The following IL1RAPL1 variants were observed in gnomAD, a reference collection of about 807,000 sequenced individuals.
The protein encoded by IL1RAPL1 is interleukin-1 receptor accessory protein-like 1.
A neutral mutation model predicts 48.4 loss-of-function variants in IL1RAPL1; 3 were observed. The observed-to-expected ratio is 0.06, with a 90% CI of 0.03 to 0.16. The LOEUF (loss-of-function observed/expected upper bound fraction) is 0.16, where lower values mean the gene tolerates loss of function less well. Among genes scored for constraint, IL1RAPL1 ranks in the 10% least tolerant of loss-of-function variants. The pLI is 1.00. For missense variants in IL1RAPL1, 349 were observed against 530.6 expected (o/e 0.66, Z 3.36); for synonymous variants, 185 against 187.7 (o/e 0.99, Z 0.12).
At chrX:29,596,248 C>G (rs775069889) in intron 5 of IL1RAPL1, among the ~76,000 whole-genome samples, 2 of 111,201 alleles carry the variant, frequency 1.8e-5, no homozygotes, top group African/African-American at 6.5e-5. Context: ...TTTAGGACGG[C>G]TTTTCTAGTT....
intron 2 of IL1RAPL1, among the ~76,000 whole-genome samples, chrX:29,219,547 G>A (rs190470793): frequency 6.3e-5 from 7 of 111,452 alleles, no homozygotes; most frequent in South Asian, 3.8e-4. Flanking sequence ...CTAGTAGAGA[G>A]GGGAGAGGTC....
intron 2 of IL1RAPL1, among the ~76,000 whole-genome samples, chrX:29,113,151 A>T: frequency 8.9e-6 from 1 of 111,905 alleles, no homozygotes; most frequent in East Asian, 2.8e-4. Flanking sequence ...GCAAGTGATT[A>T]TATCACAACC....
At chrX:29,151,524 C>T (rs1049531003) in intron 2 of IL1RAPL1, among the ~76,000 whole-genome samples, 1 of 111,063 alleles carries the variant, frequency 9.0e-6, no homozygotes, top group Non-Finnish European at 1.9e-5. Flanking sequence ...AGCATGACCC[C>T]CCAAACACAA....
In IL1RAPL1 at chrX:29,541,302, A is replaced by G. The variant is rs745916798; in HGVS notation, c.704-127128A>G. On this transcript the variant is annotated intron_variant, in intron 5 of 10. Transcript: ENST00000378993. ...GCCACAGATGCTAGTGAGGCTGTGG[A>G]GAAAAGGGAATGCTTATAAACTGTT... Among the ~76,000 whole-genome samples, 14 of 112,080 alleles carry G rather than the reference A, an allele frequency of 1.2e-4. No homozygotes were observed. The South Asian group carries it at 5.2e-3, about 42-fold the overall frequency.
chrX:29,904,292 T>C (rs951438649), intron 6 of IL1RAPL1, among the ~76,000 whole-genome samples: 5 of 111,816 alleles, frequency 4.5e-5, no homozygotes, highest in Non-Finnish European at 9.4e-5. Context: ...AAAAGAACGA[T>C]AGTTGCTCTT....
At chrX:28,943,687 CA>C (rs1204291510) in intron 2 of IL1RAPL1, among the ~76,000 whole-genome samples, 5 of 109,462 alleles carry the variant, frequency 4.6e-5, no homozygotes, top group African/African-American at 1.7e-4. Flanking sequence ...GTTTTAATGA[CA>C]AAAAAATGAA....
chrX:29,644,666 A>G (rs1334172124), intron 5 of IL1RAPL1, among the ~76,000 whole-genome samples: 1 of 110,892 alleles, frequency 9.0e-6, no homozygotes, highest in Non-Finnish European at 1.9e-5. Flanking sequence ...TCCCATGTTC[A>G]AGTGATTCTC....
At chrX:29,393,913 T>G (rs1256808540) in intron 3 of IL1RAPL1, among the ~76,000 whole-genome samples, 1 of 111,039 alleles carries the variant, frequency 9.0e-6, no homozygotes, top group African/African-American at 3.3e-5. Flanking sequence ...AATTAATAAA[T>G]AATGCATGAG....
chrX:29,509,115 A>C (rs1935366462), intron 5 of IL1RAPL1, among the ~76,000 whole-genome samples: 1 of 111,987 alleles, frequency 8.9e-6, no homozygotes, highest in Non-Finnish European at 1.9e-5. Context: ...ATTTATTGCA[A>C]GGAATTGTAC....
intron 2 of IL1RAPL1, among the ~76,000 whole-genome samples, chrX:28,935,331 TTA>T (rs1182392661): frequency 1.8e-5 from 2 of 110,447 alleles, no homozygotes; most frequent in African/African-American, 6.6e-5. Context: ...CCTTCCTTGG[TTA>T]TATATATATA....
In IL1RAPL1 at chrX:28,768,778, T is replaced by TATAC. The variant is rs768805531; in HGVS notation, c.-24-20541_-24-20540insTACA. ...CTCTATATATATATATATATATATA[T>TATAC]ACACACACTATATATATACAGACAT... is the stretch of plus-strand genomic sequence containing the variant. On this transcript the variant is annotated intron_variant, in intron 1 of 10. Transcript: ENST00000378993. 5.9e-3 allele frequency among the ~76,000 whole-genome samples: 451 copies of TATAC among 76,350 alleles called. 9 individuals carry two copies. Among genetic ancestry groups the TATAC allele is most frequent in the African/African-American group, 7.0e-3 (149 of 21,164 alleles). 66.3% of individuals were successfully genotyped at this position (76,350 alleles called of 115,157 possible). A position where few individuals can be genotyped will look rare whatever the true frequency, so the allele number is the denominator to read the frequency against.
chrX:29,566,710 CTAAA>C (rs1474000560), intron 5 of IL1RAPL1, among the ~76,000 whole-genome samples: 5 of 111,713 alleles, frequency 4.5e-5, no homozygotes, highest in Non-Finnish European at 9.4e-5. Context: ...TATGAGTAAA[CTAAA>C]TAAAGTATAA....
chrX:29,520,244 T>G (rs1196087689), intron 5 of IL1RAPL1, among the ~76,000 whole-genome samples: 1 of 112,192 alleles, frequency 8.9e-6, no homozygotes, highest in Non-Finnish European at 1.9e-5. Flanking sequence ...CAATCTTAGT[T>G]CTTTCCTTAC....
intron 6 of IL1RAPL1, among the ~76,000 whole-genome samples, chrX:29,760,676 A>G (rs1005380976): frequency 1.8e-5 from 2 of 110,892 alleles, no homozygotes; most frequent in East Asian, 5.7e-4. Flanking sequence ...GGTTTTGAGT[A>G]ATACTGGGCA....
intron 2 of IL1RAPL1, among the ~76,000 whole-genome samples, chrX:28,980,681 G>A (rs1925308426): frequency 9.0e-6 from 1 of 110,966 alleles, no homozygotes; most frequent in African/African-American, 3.3e-5. Flanking sequence ...GCATATATGG[G>A]TCACCTGGCT....
At chrX:29,209,899 G>C (rs1828974806) in intron 2 of IL1RAPL1, among the ~76,000 whole-genome samples, 1 of 111,873 alleles carries the variant, frequency 8.9e-6, no homozygotes, top group South Asian at 3.7e-4. Context: ...ACATGTGGTT[G>C]GTTCCTTTTG....
At chrX:28,894,075 G>T (rs1361021078) in intron 2 of IL1RAPL1, among the ~76,000 whole-genome samples, 2 of 111,802 alleles carry the variant, frequency 1.8e-5, no homozygotes, top group African/African-American at 6.6e-5. Context: ...GAAGTAAAGC[G>T]GCTTTGAGAA....
At chrX:29,638,785 CATAA>C (rs1484295649) in intron 5 of IL1RAPL1, among the ~76,000 whole-genome samples, 1 of 112,474 alleles carries the variant, frequency 8.9e-6, no homozygotes, top group Non-Finnish European at 1.9e-5. Flanking sequence ...CTCATACATA[CATAA>C]ATGCTATATT....
At chrX:29,888,438 G>A (rs1367784697) in intron 6 of IL1RAPL1, among the ~76,000 whole-genome samples, 2 of 110,173 alleles carry the variant, frequency 1.8e-5, no homozygotes, top group Non-Finnish European at 3.8e-5. Flanking sequence ...TGGTTAGGCT[G>A]GTCTCAAACT....
Sources: gnomAD v4.1 joint callset for allele counts (sites outside exome capture counted in the v4.1 genomes callset) on GRCh38, gnomAD v4.1.1 for gene constraint, MANE v1.5 for transcripts, NCBI Gene and HGNC (gene_info 2026-07-23, HGNC 2026-07-21) for gene names.